ELOF1: variants seen among roughly 807,000 people sequenced by gnomAD.
ELOF1 encodes elongation factor 1.
Under a neutral mutation model 7.1 loss-of-function variants are expected in ELOF1, and 4 were observed. The ratio of observed to expected loss-of-function variants is 0.56; its 90% CI spans 0.28 to 1.29. ELOF1 has a LOEUF of 1.29. ELOF1 is among the 50% of genes most tolerant of loss of function. The pLI, the probability that ELOF1 is intolerant of heterozygous loss-of-function variation, is 0.10. For missense variants in ELOF1, 59 were observed against 86.3 expected, an observed-to-expected ratio of 0.68 and a Z score of 1.25; for synonymous variants, 31 against 31.9, an observed-to-expected ratio of 0.97 and a Z score of 0.09.
intron 3 of ELOF1, chr19:11,553,709 TAC>T: frequency 1.2e-6 from 2 of 1,613,688 alleles, no homozygotes; most frequent in Non-Finnish European, 1.7e-6. Context: ...GGATCCACAG[TAC>T]GCGGGGCTGC....
rs1200658943 is a variant in ELOF1, at chr19:11,553,602, CA to C, written c.187+408del. 7.2e-4 allele frequency: 431 copies of C among 597,802 alleles called. 3 individuals are homozygous for C. The East Asian group carries it at 8.9e-3, about 12-fold the overall frequency. 37.0% of individuals were successfully genotyped at this position (597,802 alleles called of 1,614,324 possible). A position where few individuals can be genotyped will look rare whatever the true frequency, so the allele number is the denominator to read the frequency against. On this transcript the variant is annotated intron_variant, in intron 3 of 3. Coordinates refer to ENST00000586683, the Ensembl canonical transcript of ELOF1. Reference sequence around the variant, plus strand: ...CCCACTACACACACACACACACACACACACACACACACACACACACACACAC... The same window carrying C: ...CCCACTACACACACACACACACACACCACACACACACACACACACACACAC...
chr19:11,553,141 C>A (rs1252347956), intron 3 of ELOF1: 2 of 401,768 alleles, frequency 5.0e-6, no homozygotes, highest in Admixed American at 8.5e-5. Context: ...ATGAAACGGG[C>A]TTCCTGGTTA....
At chr19:11,553,560 CCACACCCACACG>C (rs1972766127) in intron 3 of ELOF1, 23 of 671,286 alleles carry the variant, frequency 3.4e-5, no homozygotes, top group Admixed American at 7.7e-5. Context: ...TCACTCACAC[CCACACCCACACG>C]CACACCCACT....
At chr19:11,558,327 C>T (rs1270549832) in intron 1 of ELOF1, among the ~76,000 whole-genome samples, 1 of 152,002 alleles carries the variant, frequency 6.6e-6, no homozygotes, top group Non-Finnish European at 1.5e-5. Flanking sequence ...TGTTGCCCAG[C>T]CTGGTCTGGA....
At chr19:11,554,725 T>A (rs950891155) in intron 1 of ELOF1, 2 of 287,644 alleles carry the variant, frequency 7.0e-6, no homozygotes, top group Non-Finnish European at 1.3e-5. Flanking sequence ...GAGGATTACT[T>A]GATGCCAGGA....
At chr19:11,554,469 G>A (rs1972797925) in intron 1 of ELOF1, 104 bp from the exon 2 acceptor site, 2 of 1,474,672 alleles carry the variant, frequency 1.4e-6, no homozygotes, top group Non-Finnish European at 1.8e-6. Flanking sequence ...TTGCACCGTG[G>A]TCCCGGGGCC....
At chr19:11,554,364 G>A (rs1599618950) in exon 2 of ELOF1, 1 of 1,612,824 alleles carries the variant, frequency 6.2e-7, no homozygotes, top group East Asian at 2.2e-5. Flanking sequence ...AGGTGGATGA[G>A]CCTGTGGGGA....
intron 2 of ELOF1, 56 bp from the exon 3 acceptor site, chr19:11,554,137 A>G: frequency 6.2e-7 from 1 of 1,614,028 alleles, no homozygotes; most frequent in South Asian, 1.1e-5. Flanking sequence ...CCTGTGGGTG[A>G]TGACGCCTTC....
At chr19:11,554,489 G>A in intron 1 of ELOF1, 124 bp from the exon 2 acceptor site, 1 of 1,362,466 alleles carries the variant, frequency 7.3e-7, no homozygotes, top group Non-Finnish European at 9.8e-7. Flanking sequence ...CTCTGCCCTT[G>A]AGGGACGAGG....
intron 1 of ELOF1, among the ~76,000 whole-genome samples, chr19:11,556,178 C>A (rs867145741): frequency 6.6e-6 from 1 of 152,168 alleles, no homozygotes; most frequent in African/African-American, 2.4e-5. Context: ...CACACACACA[C>A]GACTGCTGGT....
At chr19:11,553,946 T>A (rs1199529917) in intron 3 of ELOF1, 65 bp downstream of exon 3, 1 of 1,612,000 alleles carries the variant, frequency 6.2e-7, no homozygotes, top group Non-Finnish European at 8.5e-7. Flanking sequence ...GTGGGCCAGA[T>A]GAGCAGGGTC....
chr19:11,554,641 A>G (rs1181257235), intron 1 of ELOF1: 1 of 483,270 alleles, frequency 2.1e-6, no homozygotes, highest in East Asian at 3.2e-5. Flanking sequence ...TTCCTCGTCT[A>G]TAAAACAGAG....
At chr19:11,553,481 AC>A (rs1041902430) in intron 3 of ELOF1, 1 of 587,934 alleles carries the variant, frequency 1.7e-6, no homozygotes. Context: ...GGAACCCGAC[AC>A]CACCGCGTAC....
chr19:11,556,808 T>G (rs542111562), intron 1 of ELOF1, among the ~76,000 whole-genome samples: 1 of 152,346 alleles, frequency 6.6e-6, no homozygotes, highest in Admixed American at 6.5e-5. Flanking sequence ...GCCTGCTCAG[T>G]AGCTGGGACA....
intron 3 of ELOF1, chr19:11,553,539 C>A: frequency 3.1e-6 from 2 of 644,258 alleles, no homozygotes; most frequent in South Asian, 3.7e-5. Flanking sequence ...TGCAGCCACA[C>A]ACACCCACAC....
chr19:11,553,682 A>C, intron 3 of ELOF1: 1 of 1,604,634 alleles, frequency 6.2e-7, no homozygotes, highest in Non-Finnish European at 8.5e-7. Context: ...ATGTCTCTGG[A>C]CCAGAACCGA....
rs538448238 is a variant in ELOF1 at position 11,554,225 on chromosome 19, C to A, written c.116+7G>T. 1.3e-5 allele frequency: 21 copies of A among 1,612,920 alleles called. No homozygotes were observed. In the South Asian group the frequency reaches 2.3e-4, roughly 18 times the overall value. ...AGGCTGGATCCCTTGCCCTGTTCCCCACTCACATTTTCACATCACAGGATT... is the reference window on the plus strand; with the variant it reads ...AGGCTGGATCCCTTGCCCTGTTCCCAACTCACATTTTCACATCACAGGATT... On this transcript the variant is annotated splice_region_variant and intron_variant, in intron 2 of 3. Transcript: ENST00000586683.
chr19:11,558,484 G>A (rs1475480833), intron 1 of ELOF1, among the ~76,000 whole-genome samples: 1 of 151,080 alleles, frequency 6.6e-6, no homozygotes, highest in African/African-American at 2.4e-5. Flanking sequence ...CGTCACGCCC[G>A]TAATCTCATC....
intron 1 of ELOF1, among the ~76,000 whole-genome samples, chr19:11,555,923 G>A (rs1972826482): frequency 1.3e-5 from 2 of 152,106 alleles, no homozygotes; most frequent in African/African-American, 4.8e-5. Context: ...CAAGGTTGTG[G>A]CGGGGACATA....
Sources: gnomAD v4.1 joint callset for allele counts (sites outside exome capture counted in the v4.1 genomes callset) on GRCh38, gnomAD v4.1.1 for gene constraint, MANE v1.5 for transcripts, NCBI Gene and HGNC (gene_info 2026-07-23, HGNC 2026-07-21) for gene names.